SRPX: variants seen among roughly 807,000 people sequenced by gnomAD.
SRPX encodes sushi repeat-containing protein SRPX.
A neutral mutation model predicts 38.1 loss-of-function variants in SRPX; 24 were observed. The observed-to-expected ratio is 0.63, with a 90% CI of 0.46 to 0.89. The LOEUF (loss-of-function observed/expected upper bound fraction) is 0.89. Ranked by LOEUF, SRPX falls within the 40% of genes least tolerant of loss-of-function variation. The pLI, the probability that SRPX is intolerant of heterozygous loss-of-function variation, is 0.00. For synonymous variants in SRPX, 184 were observed against 153.8 expected, an observed-to-expected ratio of 1.20 and a Z score of -1.45; for missense variants, 416 against 377.8, an observed-to-expected ratio of 1.10 and a Z score of -0.84.
intron 1 of SRPX, among the ~76,000 whole-genome samples, chrX:38,181,687 T>A (rs1938675942): frequency 8.9e-6 from 1 of 112,094 alleles, no homozygotes; most frequent in Admixed American, 9.4e-5. Flanking sequence ...CCCTTCCAAT[T>A]TTGTGAGTAC....
intron 9 of SRPX, among the ~76,000 whole-genome samples, chrX:38,150,827 C>A (rs973923639): frequency 8.9e-6 from 1 of 112,028 alleles, no homozygotes; most frequent in Admixed American, 9.4e-5. Context: ...AGAATTTAAA[C>A]TAAAAAATAT....
At chrX:38,169,342 C>T (rs1439633021) in intron 4 of SRPX, among the ~76,000 whole-genome samples, 1 of 111,605 alleles carries the variant, frequency 9.0e-6, no homozygotes, top group East Asian at 2.8e-4. Context: ...TGCAATGATC[C>T]CATTCCTATG....
intron 3 of SRPX, among the ~76,000 whole-genome samples, chrX:38,173,806 A>G (rs1414609395): frequency 1.8e-5 from 2 of 111,540 alleles, no homozygotes; most frequent in Non-Finnish European, 3.8e-5. Context: ...CCCTTCTTGT[A>G]CTTATCTCCC....
At chrX:38,168,071 C>T (rs1293501455) in intron 4 of SRPX, among the ~76,000 whole-genome samples, 1 of 112,137 alleles carries the variant, frequency 8.9e-6, no homozygotes, top group Admixed American at 9.5e-5. Context: ...GCCACCAGCA[C>T]CCAGCTGAAG....
At chrX:38,182,292 C>G (rs1263634157) in intron 1 of SRPX, among the ~76,000 whole-genome samples, 1 of 112,084 alleles carries the variant, frequency 8.9e-6, no homozygotes, top group Non-Finnish European at 1.9e-5. Context: ...CTGCCTTCTG[C>G]GCCTACAATT....
chrX:38,154,604 C>T, intron 8 of SRPX, 21 bp from the exon 9 acceptor site: 1 of 1,206,807 alleles, frequency 8.3e-7, no homozygotes, highest in Non-Finnish European at 1.1e-6. Context: ...GAAAACCCAA[C>T]AGGGGAAGTA....
At chrX:38,168,809 C>T (rs912322273) in intron 4 of SRPX, among the ~76,000 whole-genome samples, 1 of 111,607 alleles carries the variant, frequency 9.0e-6, no homozygotes, top group African/African-American at 3.3e-5. Context: ...GAGAACTTTC[C>T]AAAACAGACA....
At chrX:38,153,302 C>CTTTTTTTTTTTTTTTTTTTTTTTTTTTT (rs58888978) in intron 9 of SRPX, among the ~76,000 whole-genome samples, 2 of 54,718 alleles carry the variant, frequency 3.7e-5, no homozygotes, top group Non-Finnish European at 6.4e-5. Context: ...TTCTTTCTTT[C>CTTTTTTTTTTTTTTTTTTTTTTTTTTTT]TTTTTTTTTT....
rs746227082 is a variant in SRPX, at chrX:38,200,201, C to A, written c.97+20495G>T. ...TCACTTGTCTCTACTGGGAAATAAGCCATATAATTTCTCACAATTCACTCT... is the reference window on the plus strand; with the variant it reads ...TCACTTGTCTCTACTGGGAAATAAGACATATAATTTCTCACAATTCACTCT... On this transcript the variant is annotated intron_variant, in intron 1 of 9. Transcript: ENST00000378533. 6.9e-4 allele frequency among the ~76,000 whole-genome samples: 77 copies of A among 111,945 alleles called. No individual in the cohort carries two copies. In the Admixed American group the frequency reaches 6.9e-3, roughly 10 times the overall value.
rs771215322 is a variant in SRPX, at chrX:38,180,887, T to C, written c.98-2543A>G. Among the ~76,000 whole-genome samples, 3 of 112,022 alleles carry C rather than the reference T, an allele frequency of 2.7e-5. No individual in the cohort carries two copies. In the East Asian group the frequency reaches 8.4e-4, roughly 31 times the overall value. ...AAGCATAACCCCCAAAATGCAAAAA[T>C]GCATTAAGATTTTAAAATATGGCAA... On this transcript the variant is annotated intron_variant, in intron 1 of 9. Coordinates refer to ENST00000378533, the MANE Select transcript of SRPX (RefSeq NM_006307.5).
At chrX:38,175,335 G>A (rs1488179523) in intron 2 of SRPX, among the ~76,000 whole-genome samples, 1 of 111,448 alleles carries the variant, frequency 9.0e-6, no homozygotes, top group Non-Finnish European at 1.9e-5. Flanking sequence ...AGTGAGTGAG[G>A]TAAGACCGCC....
At chrX:38,203,647 T>C (rs1160384977) in intron 1 of SRPX, among the ~76,000 whole-genome samples, 1 of 112,324 alleles carries the variant, frequency 8.9e-6, no homozygotes, top group East Asian at 2.8e-4. Flanking sequence ...GGCATGGTGG[T>C]GCACACCTGT....
intron 1 of SRPX, among the ~76,000 whole-genome samples, chrX:38,216,943 G>C (rs1939431220): frequency 8.9e-6 from 1 of 112,409 alleles, no homozygotes; most frequent in Non-Finnish European, 1.9e-5. Flanking sequence ...CTTAAACAGA[G>C]AGTGTTCGTA....
At chrX:38,180,789 C>T (rs769882389) in intron 1 of SRPX, among the ~76,000 whole-genome samples, 1 of 112,134 alleles carries the variant, frequency 8.9e-6, no homozygotes, top group African/African-American at 3.2e-5. Context: ...CCATTCATAA[C>T]ATAATAATGT....
Position 38,157,017 on chromosome X carries a change from T to C in SRPX, c.968A>G (p.Asn323Ser). The change falls in exon 8 of 10, where the codon AAT (asparagine) becomes AGT (serine). Residue 323 changes from asparagine (N) to serine (S), a missense_variant. Coordinates refer to ENST00000378533, the MANE Select transcript of SRPX (RefSeq NM_006307.5). The stretch of plus-strand genomic sequence containing the variant: ...TGCAGCTGCCGTTCTGACACCCACA[T>C]TGACGTTCATGGCTGTAATCAGAAA... ...TEPTCAAMNV[N>S]VGVRTAAALL... The C allele has an allele frequency of 8.3e-7, 1 of 1,211,331 alleles. No individual in the cohort carries two copies. Among genetic ancestry groups the C allele is most frequent in the Non-Finnish European group, 1.1e-6 (1 of 895,286 alleles).
chrX:38,194,345 C>A (rs1440283574), intron 1 of SRPX, among the ~76,000 whole-genome samples: 1 of 111,648 alleles, frequency 9.0e-6, no homozygotes, highest in Non-Finnish European at 1.9e-5. Flanking sequence ...CATTTCTGAC[C>A]CATTAGTTTG....
intron 1 of SRPX, among the ~76,000 whole-genome samples, chrX:38,217,619 T>C (rs1939441369): frequency 5.4e-5 from 6 of 111,914 alleles, no homozygotes; most frequent in Non-Finnish European, 9.4e-5. Context: ...AAGGGAGTGA[T>C]GTGATAAAAA....
At chrX:38,182,481 A>G (rs1200898700) in intron 1 of SRPX, among the ~76,000 whole-genome samples, 1 of 111,558 alleles carries the variant, frequency 9.0e-6, no homozygotes, top group Non-Finnish European at 1.9e-5. Flanking sequence ...CCTTCTTACT[A>G]AAAGATCACA....
At chrX:38,193,488 T>C (rs888343712) in intron 1 of SRPX, among the ~76,000 whole-genome samples, 6 of 111,960 alleles carry the variant, frequency 5.4e-5, no homozygotes, top group Non-Finnish European at 1.1e-4. Context: ...CCCTCTTCAA[T>C]GAAATTCTGA....
Sources: allele counts gnomAD v4.1 joint callset (sites outside exome capture counted in the v4.1 genomes callset), GRCh38; gene constraint gnomAD v4.1.1; transcripts MANE v1.5; gene names NCBI Gene and HGNC (gene_info 2026-07-23, HGNC 2026-07-21).